The following DRP2 variants were observed in gnomAD, a reference collection of about 807,000 sequenced individuals.
DRP2 encodes the protein dystrophin-related protein 2.
A neutral mutation model predicts 78.2 loss-of-function variants in DRP2; 29 were observed. The observed-to-expected ratio is 0.37, with a 90% CI of 0.28 to 0.51. DRP2 has a LOEUF of 0.51. Among genes scored for constraint, DRP2 ranks in the 20% least tolerant of loss-of-function variants. The pLI is 0.94. For synonymous variants in DRP2, 290 were observed against 281.9 expected (o/e 1.03, Z -0.29); for missense variants, 686 against 770.6 (o/e 0.89, Z 1.30).
rs185413393 is a variant in DRP2, at chrX:101,241,474, T to A, written c.560-194T>A. Among the ~76,000 whole-genome samples the A allele has an allele frequency of 0.19, 20,751 of 110,041 alleles. 1,672 individuals are homozygous for A. Among genetic ancestry groups the A allele is most frequent in the Non-Finnish European group, 0.25 (13,072 of 52,632 alleles). ...GATTTAAAAATAAACAGTTTTTTTTTAAAAAAAACGTGACTGTATTAAAGG... is the reference window on the plus strand; with the variant it reads ...GATTTAAAAATAAACAGTTTTTTTTAAAAAAAAACGTGACTGTATTAAAGG... On this transcript the variant is annotated intron_variant, in intron 6 of 23. Transcript: ENST00000395209.
rs1241156172 is a variant in DRP2, at chrX:101,264,399, G to C, written c.*3778G>C. The C allele has an allele frequency of 8.9e-6, 1 of 112,041 alleles. No individual in the cohort carries two copies. The highest frequency in any genetic ancestry group is 3.2e-5 in the African/African-American group (1 of 30,802). The allele number at this position is 112,041 out of a possible 1,213,427, so 9.2% of individuals were successfully genotyped here. ...GAAGTCTAGGGGACAAAGGGACAGG[G>C]TTGGGAACAAATTGGTTAACTTTGA... On this transcript the variant is annotated 3_prime_UTR_variant, in exon 24 of 24. Coordinates refer to ENST00000395209, the MANE Select transcript of DRP2 (RefSeq NM_001939.3).
At position 101,255,225 on chromosome X, in the gene DRP2, A is replaced by G. The variant is rs1923295380; in HGVS notation, c.2222A>G (p.Asp741Gly). The stretch of plus-strand genomic sequence containing the variant: ...AGTCAAAATTGCTCCTTCTTTAATG[A>G]CAGCTTGTCCCCAGATGACAGCATG... ...MESQNCSFFN[D>G]SLSPDDSIDE... is the part of the protein sequence containing the mutation. Residue 741 changes from aspartate to glycine, a missense_variant, in exon 20 of 24, where the codon GAC (aspartate) becomes GGC (glycine). Around this residue, in one of 2 missense-constraint regions of DRP2, gnomAD observed 423 missense variants for 531.5 expected, o/e 0.80. Transcript: ENST00000395209. 9.1e-6 allele frequency: 11 copies of G among 1,211,060 alleles called. No individual in the cohort carries two copies. The highest frequency in any genetic ancestry group is 1.2e-5 in the Non-Finnish European group (11 of 895,194).
At chrX:101,238,942 A>C (rs1922607900) in intron 5 of DRP2, 39 bp from the exon 6 acceptor site, 2 of 1,193,935 alleles carry the variant, frequency 1.7e-6, no homozygotes, top group Admixed American at 4.6e-5. Flanking sequence ...TGATTGAAAA[A>C]CTTTCCTTTC....
chrX:101,250,602 G>T (rs1412473153), intron 15 of DRP2, 22 bp downstream of exon 15: 2 of 1,169,871 alleles, frequency 1.7e-6, no homozygotes, highest in Admixed American at 4.8e-5. Flanking sequence ...ACTGGGGAGT[G>T]GGGGAGGGAA....
At chrX:101,246,060 C>G (rs780367564) in intron 11 of DRP2, among the ~76,000 whole-genome samples, 82 of 112,077 alleles carry the variant, frequency 7.3e-4, no homozygotes, top group African/African-American at 2.5e-3. Context: ...ATCTGTAAAG[C>G]TTTTTATATG....
intron 2 of DRP2, among the ~76,000 whole-genome samples, chrX:101,229,027 G>A (rs757721939): frequency 1.8e-5 from 2 of 112,172 alleles, no homozygotes; most frequent in African/African-American, 3.2e-5. Context: ...TATTTTAAAA[G>A]TGTATGTATA....
At chrX:101,234,532 G>A (rs1922418381) in intron 3 of DRP2, among the ~76,000 whole-genome samples, 1 of 112,766 alleles carries the variant, frequency 8.9e-6, no homozygotes, top group Admixed American at 9.3e-5. Context: ...CTCCTGGCCT[G>A]GCTCAGCCCC....
chrX:101,227,580 C>T (rs1922164591), intron 2 of DRP2, among the ~76,000 whole-genome samples: 1 of 111,558 alleles, frequency 9.0e-6, no homozygotes, highest in Non-Finnish European at 1.9e-5. Context: ...TGAAAGACAG[C>T]ACAGCCGACT....
At chrX:101,239,664 G>A (rs767826901) in intron 6 of DRP2, among the ~76,000 whole-genome samples, 2 of 111,097 alleles carry the variant, frequency 1.8e-5, no homozygotes, top group East Asian at 5.8e-4. Flanking sequence ...TGCAAGCTCC[G>A]CCTCCTGGGT....
At chrX:101,236,602 T>C (rs1922515324) in intron 4 of DRP2, among the ~76,000 whole-genome samples, 1 of 112,253 alleles carries the variant, frequency 8.9e-6, no homozygotes, top group Admixed American at 9.4e-5. Context: ...TGTCTGTGCA[T>C]GCCTGCCACT....
chrX:101,248,673 G>A (rs1004027703), intron 14 of DRP2, 74 bp downstream of exon 14: 101 of 950,498 alleles, frequency 1.1e-4, no homozygotes, highest in Non-Finnish European at 1.5e-4. Flanking sequence ...AAGGGTGTAA[G>A]ATAAGCAGAA....
In DRP2 at chrX:101,241,567, C is replaced by T. The variant is rs182575377; in HGVS notation, c.560-101C>T. ...ATACACAAACATGCCCACATGTGCA[C>T]ACACACATACACACACATTTTATAA... On this transcript the variant is annotated intron_variant, in intron 6 of 23. Coordinates refer to ENST00000395209, the MANE Select transcript of DRP2 (RefSeq NM_001939.3). 71 of 912,225 alleles carry T rather than the reference C, an allele frequency of 7.8e-5. No individual in the cohort carries two copies. The African/African-American group carries it at 1.4e-3, about 18-fold the overall frequency. The allele number at this position is 912,225 out of a possible 1,213,427, so 75.2% of individuals were successfully genotyped here.
rs866492348 is a variant in DRP2, at chrX:101,242,581, G to A, written c.975+110G>A. The A allele has an allele frequency of 3.1e-6, 3 of 958,948 alleles. No homozygotes were observed. The African/African-American group carries it at 5.8e-5, about 19-fold the overall frequency. 79.0% of individuals were successfully genotyped at this position (958,948 alleles called of 1,213,427 possible). ...AGGATCTGCATGGGAAAAGAGGAGT[G>A]GAGAATGTGGAGCTAGGGAATGGGC... On this transcript the variant is annotated intron_variant, in intron 8 of 23. Transcript: ENST00000395209.
Position 101,260,732 on chromosome X carries a change from C to A in DRP2, c.*111C>A. 1 of 1,014,438 alleles carries A rather than the reference C, an allele frequency of 9.9e-7. No homozygotes were observed. Among genetic ancestry groups the A allele is most frequent in the Non-Finnish European group, 1.3e-6 (1 of 756,127 alleles). The allele number at this position is 1,014,438 out of a possible 1,213,427, so 83.6% of individuals were successfully genotyped here. ...TTTCCACTGGCCCCACATTCCTCAA[C>A]TAGTATTATTTGGGCTCTGGGCAGC... is the stretch of plus-strand genomic sequence containing the variant. On this transcript the variant is annotated 3_prime_UTR_variant, in exon 24 of 24. Transcript: ENST00000395209.
intron 14 of DRP2, 122 bp from the exon 15 acceptor site, chrX:101,250,301 G>A: frequency 2.0e-6 from 2 of 997,068 alleles, no homozygotes; most frequent in South Asian, 4.3e-5. Context: ...ATGTAGTCCA[G>A]TTTGAAAAGT....
At chrX:101,221,186 A>G (rs1430986732) in intron 1 of DRP2, among the ~76,000 whole-genome samples, 1 of 112,635 alleles carries the variant, frequency 8.9e-6, no homozygotes, top group Non-Finnish European at 1.9e-5. Flanking sequence ...GGAAAAGAAC[A>G]TACTTTTTAA....
At chrX:101,252,939 C>T (rs1336405083) in intron 17 of DRP2, among the ~76,000 whole-genome samples, 2 of 112,087 alleles carry the variant, frequency 1.8e-5, no homozygotes, top group African/African-American at 6.5e-5. Flanking sequence ...ACACTCTCAG[C>T]CATTTAAAGG....
In DRP2 at chrX:101,228,868, C is replaced by T. The variant is rs1374889192; in HGVS notation, c.-63-2717C>T. 3.6e-5 allele frequency among the ~76,000 whole-genome samples: 4 copies of T among 110,775 alleles called. No homozygotes were observed. The Admixed American group carries it at 3.8e-4, about 11-fold the overall frequency. On this transcript the variant is annotated intron_variant, in intron 2 of 23. Coordinates refer to ENST00000395209, the MANE Select transcript of DRP2 (RefSeq NM_001939.3). ...GCAGTGAGCCAAGATCACGCCAGTG[C>T]ACTCCAGCCTGGGTGACAAAGTGAG...
At chrX:101,252,262 C>T (rs1282723892) in intron 16 of DRP2, among the ~76,000 whole-genome samples, 1 of 111,636 alleles carries the variant, frequency 9.0e-6, no homozygotes, top group Non-Finnish European at 1.9e-5. Context: ...GGAGCCTGGA[C>T]CTGTTTGGGC....
Sources: allele counts gnomAD v4.1 joint callset (sites outside exome capture counted in the v4.1 genomes callset), GRCh38; gene constraint gnomAD v4.1.1; regional missense constraint gnomAD v4.1.1; transcripts MANE v1.5; gene names NCBI Gene and HGNC (gene_info 2026-07-23, HGNC 2026-07-21).